SRGAP3: variants seen among roughly 807,000 people sequenced by gnomAD.
SRGAP3 encodes SLIT-ROBO Rho GTPase activating protein 3, also known as SLIT-ROBO Rho GTPase-activating protein 3.
SRGAP3 carries 39 observed loss-of-function variants against 121.1 expected under a neutral mutation model. The ratio of observed to expected loss-of-function variants is 0.32; its 90% CI spans 0.25 to 0.42. The LOEUF is 0.42. SRGAP3 is among the 10% of genes least tolerant of loss of function. The pLI is 1.00. For missense variants in SRGAP3, 1,213 were observed against 1,470.6 expected, an observed-to-expected ratio of 0.82 and a Z score of 2.86; for synonymous variants, 601 against 570.0, an observed-to-expected ratio of 1.05 and a Z score of -0.77.
At chr3:9,349,554 T>A (rs1433735574) in intron 1 of SRGAP3, 3 of 180,562 alleles carry the variant, frequency 1.7e-5, no homozygotes, top group Non-Finnish European at 3.5e-5. Flanking sequence ...GACAGCCTGT[T>A]AAGCCACTGC....
chr3:9,135,404 ACATGATGATGGAGACT>A (rs1949607513), intron 1 of SRGAP3, among the ~76,000 whole-genome samples: 2 of 152,074 alleles, frequency 1.3e-5, no homozygotes, highest in Admixed American at 6.5e-5. Flanking sequence ...CCTCAAGAAA[ACATGATGATGGAGACT>A]CACTCTCCTT....
chr3:9,207,329 A>C (rs1008789097), intron 1 of SRGAP3, among the ~76,000 whole-genome samples: 4 of 152,190 alleles, frequency 2.6e-5, no homozygotes, highest in African/African-American at 9.7e-5. Flanking sequence ...CAACAAAGAA[A>C]GAGAGTGCTT....
chr3:9,303,453 T>G (rs190255660), intron 3 of SRGAP3, among the ~76,000 whole-genome samples: 1 of 151,308 alleles, frequency 6.6e-6, no homozygotes, highest in African/African-American at 2.4e-5. Context: ...ACACTTAACA[T>G]AAGACCTACC....
intron 4 of SRGAP3, among the ~76,000 whole-genome samples, chr3:9,071,700 GA>G (rs1946729036): frequency 6.6e-6 from 1 of 151,938 alleles, no homozygotes; most frequent in East Asian, 1.9e-4. Flanking sequence ...GGATTGGAAA[GA>G]GTGGGGAAGG....
At chr3:9,345,232 T>C (rs886812587) in intron 1 of SRGAP3, among the ~76,000 whole-genome samples, 1 of 152,156 alleles carries the variant, frequency 6.6e-6, no homozygotes, top group Non-Finnish European at 1.5e-5. Flanking sequence ...GGCTCACACA[T>C]GTAATCTCAG....
At chr3:9,223,456 G>A (rs1429020660) in intron 1 of SRGAP3, among the ~76,000 whole-genome samples, 1 of 152,224 alleles carries the variant, frequency 6.6e-6, no homozygotes, top group Non-Finnish European at 1.5e-5. Flanking sequence ...GAATCTTTAG[G>A]AAGGGGATGC....
intron 1 of SRGAP3, among the ~76,000 whole-genome samples, chr3:9,356,190 TTC>T (rs1331068986): frequency 2.3e-4 from 31 of 135,962 alleles, no homozygotes; most frequent in African/African-American, 4.8e-4. Flanking sequence ...GGACTTTTTT[TTC>T]TTTTTTTTTT....
chr3:9,346,753 C>CTT (rs142138773), intron 1 of SRGAP3, among the ~76,000 whole-genome samples: 1 of 130,536 alleles, frequency 7.7e-6, no homozygotes, highest in Non-Finnish European at 1.6e-5. Flanking sequence ...GCAATTTTTT[C>CTT]TTTTTTTTTT....
chr3:9,205,507 A>G (rs1292999519), intron 1 of SRGAP3, among the ~76,000 whole-genome samples: 1 of 152,216 alleles, frequency 6.6e-6, no homozygotes, highest in Non-Finnish European at 1.5e-5. Flanking sequence ...AGCCTCCTGA[A>G]GTAAGCATTT....
intron 1 of SRGAP3, among the ~76,000 whole-genome samples, chr3:9,145,315 C>T (rs1259555018): frequency 2.6e-5 from 4 of 152,164 alleles, no homozygotes; most frequent in Non-Finnish European, 5.9e-5. Flanking sequence ...AGGCTGTTCT[C>T]GAACTCCTGA....
chr3:9,208,203 G>A (rs1481026111), intron 1 of SRGAP3, among the ~76,000 whole-genome samples: 4 of 152,042 alleles, frequency 2.6e-5, no homozygotes, highest in African/African-American at 9.7e-5. Flanking sequence ...ATGTTTATGG[G>A]TTTTGACCAT....
intron 4 of SRGAP3, among the ~76,000 whole-genome samples, chr3:9,071,924 A>G (rs1946741971): frequency 6.6e-6 from 1 of 152,220 alleles, no homozygotes; most frequent in Non-Finnish European, 1.5e-5. Context: ...TACACGCCGT[A>G]CTGGTGAGAC....
At chr3:9,258,429 G>A (rs898785702) in intron 3 of SRGAP3, among the ~76,000 whole-genome samples, 2 of 152,144 alleles carry the variant, frequency 1.3e-5, no homozygotes, top group African/African-American at 4.8e-5. Flanking sequence ...TTCCTAGGCT[G>A]TATTAACAAG....
chr3:9,038,535 A>G (rs900063765), intron 10 of SRGAP3, among the ~76,000 whole-genome samples: 1 of 152,260 alleles, frequency 6.6e-6, no homozygotes, highest in African/African-American at 2.4e-5. Flanking sequence ...TAATGGCAAC[A>G]AAGATTGACC....
In SRGAP3 at chr3:9,284,494, T is replaced by A. The variant is rs180675090; in HGVS notation, n.442+41516A>T. Among the ~76,000 whole-genome samples the A allele has an allele frequency of 2.0e-5, 3 of 152,246 alleles. No individual in the cohort carries two copies. The East Asian group carries it at 5.8e-4, about 29-fold the overall frequency. Reference sequence around the variant, plus strand: ...TGCTTTTGCACCATTCGTGCGAAAGTCAACACAGTGAAATGGCAAGTAATG... The same window carrying A: ...TGCTTTTGCACCATTCGTGCGAAAGACAACACAGTGAAATGGCAAGTAATG... On this transcript the variant is annotated intron_variant and non_coding_transcript_variant, in intron 3 of 3. Transcript: ENST00000490889.
intron 1 of SRGAP3, among the ~76,000 whole-genome samples, chr3:9,240,233 A>C (rs1047753038): frequency 6.6e-6 from 1 of 152,236 alleles, no homozygotes; most frequent in Non-Finnish European, 1.5e-5. Context: ...GAATAGAGTT[A>C]AAGTGCCATT....
intron 10 of SRGAP3, among the ~76,000 whole-genome samples, chr3:9,041,223 C>CA (rs1326356718): frequency 1.3e-5 from 2 of 152,196 alleles, no homozygotes; most frequent in Non-Finnish European, 2.9e-5. Flanking sequence ...GTCTGGATTC[C>CA]AATCCAGGTT....
intron 14 of SRGAP3, among the ~76,000 whole-genome samples, chr3:9,023,928 T>C (rs1944053472): frequency 6.6e-6 from 1 of 152,056 alleles, no homozygotes; most frequent in Non-Finnish European, 1.5e-5. Context: ...CCACAGAGGG[T>C]CTGTGCCTGG....
intron 2 of SRGAP3, among the ~76,000 whole-genome samples, chr3:9,112,717 C>T (rs1048973663): frequency 1.3e-5 from 2 of 152,166 alleles, no homozygotes; most frequent in Non-Finnish European, 2.9e-5. Flanking sequence ...TGGATGCCTC[C>T]CTGGCCACCC....
Sources: gnomAD v4.1 joint callset for allele counts (sites outside exome capture counted in the v4.1 genomes callset) on GRCh38, gnomAD v4.1.1 for gene constraint, MANE v1.5 for transcripts, NCBI Gene and HGNC (gene_info 2026-07-23, HGNC 2026-07-21) for gene names.